Variants in AFF1 observed in about 807,000 individuals in gnomAD.
AFF1 encodes the protein AF4/FMR2 family member 1.
Under a neutral mutation model 121.7 loss-of-function variants are expected in AFF1, and 48 were observed. That is an observed-to-expected ratio of 0.39 (90% confidence interval 0.31 to 0.50). The LOEUF (loss-of-function observed/expected upper bound fraction) is 0.50, where lower values mean the gene tolerates loss of function less well. Among genes scored for constraint, AFF1 ranks in the 20% least tolerant of loss-of-function variants. The pLI, the probability that AFF1 is intolerant of heterozygous loss-of-function variation, is 0.76. For missense variants in AFF1, 1,523 were observed against 1,511.7 expected (o/e 1.01, Z -0.12); for synonymous variants, 613 against 563.0 (o/e 1.09, Z -1.26).
In AFF1 at chr4:87,137,393, G is replaced by A. The variant is rs1293157978; in HGVS notation, c.*1692G>A. On this transcript the variant is annotated 3_prime_UTR_variant, in exon 21 of 21. Coordinates refer to ENST00000395146, the MANE Select transcript of AFF1 (RefSeq NM_001166693.3). ...GTAGTTTGTAAATACACAAAGGGATGTGTCGAGGGATGGGAGCGATGCTTA... is the reference window on the plus strand; with the variant it reads ...GTAGTTTGTAAATACACAAAGGGATATGTCGAGGGATGGGAGCGATGCTTA... The A allele has an allele frequency of 4.3e-6, 1 of 229,966 alleles. No individual in the cohort carries two copies. Among genetic ancestry groups the A allele is most frequent in the Non-Finnish European group, 8.6e-6 (1 of 115,796 alleles). The allele number at this position is 229,966 out of a possible 1,614,324, so 14.2% of individuals were successfully genotyped here.
At chr4:86,944,579 C>G (rs918203676) in intron 1 of AFF1, among the ~76,000 whole-genome samples, 3 of 152,118 alleles carry the variant, frequency 2.0e-5, no homozygotes, top group Non-Finnish European at 4.4e-5. Context: ...TTCCTGACCT[C>G]GTGATTTGCC....
At position 87,138,762 on chromosome 4, in the gene AFF1, ACTGT is replaced by A. The variant is rs1386170340; in HGVS notation, c.*3065_*3068del. On this transcript the variant is annotated 3_prime_UTR_variant, in exon 21 of 21. Coordinates refer to ENST00000395146, the MANE Select transcript of AFF1 (RefSeq NM_001166693.3). ...AGAATCACAATAGGAGGAGAATTTG[ACTGT>A]CTGATATTATGATTTGATTACAATA... 1.3e-5 allele frequency: 3 copies of A among 230,568 alleles called. No individual in the cohort carries two copies. Among genetic ancestry groups the A allele is most frequent in the Middle Eastern group, 1.2e-3 (1 of 804 alleles). The allele number at this position is 230,568 out of a possible 1,614,324, so 14.3% of individuals were successfully genotyped here.
At chr4:87,127,157 TG>T (rs750729596) in intron 15 of AFF1, 40 bp downstream of exon 15, 2 of 1,515,272 alleles carry the variant, frequency 1.3e-6, no homozygotes, top group African/African-American at 1.4e-5. Context: ...TGTTTTGTTT[TG>T]TTTTGCTTCC....
At chr4:87,042,154 A>G (rs898528266) in intron 2 of AFF1, among the ~76,000 whole-genome samples, 2 of 152,222 alleles carry the variant, frequency 1.3e-5, no homozygotes, top group African/African-American at 2.4e-5. Context: ...GTATAGGCTC[A>G]ACAAAGGTTT....
At chr4:87,098,514 A>C (rs1052372664) in intron 8 of AFF1, among the ~76,000 whole-genome samples, 3 of 152,172 alleles carry the variant, frequency 2.0e-5, no homozygotes, top group Non-Finnish European at 1.5e-5. Flanking sequence ...TTTTCTGTGC[A>C]GCCAGATTTA....
chr4:87,045,219 CT>C (rs1248809932), intron 2 of AFF1, among the ~76,000 whole-genome samples: 1 of 152,152 alleles, frequency 6.6e-6, no homozygotes, highest in East Asian at 1.9e-4. Flanking sequence ...AAATATTTTC[CT>C]GTTTGTTCAA....
Position 86,956,898 on chromosome 4 carries a change from G to A in AFF1, c.38+8327G>A, listed in dbSNP as rs75829318. 8.7e-3 allele frequency among the ~76,000 whole-genome samples: 1,330 copies of A among 152,250 alleles called. 77 individuals carry two copies. In the East Asian group the frequency reaches 0.14, roughly 16 times the overall value. On this transcript the variant is annotated intron_variant, in intron 2 of 20. Transcript: ENST00000395146. ...ATGTTTTTATTTCTTTTGGGCAGAT[G>A]TTTAGGAGAGGAATTGCTTGCCTCT...
rs1338764830 is a variant in AFF1, at chr4:87,046,246, C to T, written c.119C>T (p.Ala40Val). 6.2e-7 allele frequency: 1 copy of T among 1,613,798 alleles called. No individual in the cohort carries two copies. Among genetic ancestry groups the T allele is most frequent in the Non-Finnish European group, 8.5e-7 (1 of 1,179,916 alleles). The change falls in exon 3 of 21, where the codon GCA becomes GTA. Residue 40 changes from alanine (A) to valine (V), a missense_variant. Physicochemically the swap from Ala to Val is moderately conservative, Grantham distance 64. Around this residue, in one of 5 missense-constraint regions of AFF1, gnomAD observed 369 missense variants for 367.2 expected, o/e 1.00. Transcript: ENST00000395146. ...CAGGAAGCCCACCAAGAGAAAGAGG[C>T]ATTTCCTGAAAAGATTCCCCTTTTT... ...RNQEAHQEKE[A>V]FPEKIPLFGE...
At chr4:86,992,304 G>C (rs1724794489) in intron 2 of AFF1, among the ~76,000 whole-genome samples, 1 of 152,066 alleles carries the variant, frequency 6.6e-6, no homozygotes, top group South Asian at 2.1e-4. Context: ...TGGCTTAAAG[G>C]CTTGGAATTA....
chr4:86,949,534 ATTATTTTTTTT>A (rs1453848568), intron 2 of AFF1: 11 of 347,418 alleles, frequency 3.2e-5, no homozygotes, highest in African/African-American at 2.2e-4. Flanking sequence ...TATTATTATT[ATTATTTTTTTT>A]TTTTTTTTTT....
At chr4:87,098,204 G>T (rs1725068424) in intron 8 of AFF1, among the ~76,000 whole-genome samples, 1 of 152,122 alleles carries the variant, frequency 6.6e-6, no homozygotes, top group African/African-American at 2.4e-5. Context: ...ATGGTTAGGG[G>T]GTAGCAACGT....
chr4:87,067,260 T>G (rs950387394), intron 4 of AFF1, among the ~76,000 whole-genome samples: 6 of 152,220 alleles, frequency 3.9e-5, no homozygotes, highest in African/African-American at 1.4e-4. Context: ...GTACAGGCAC[T>G]GTGTTTAAGC....
At chr4:87,090,093 G>C (rs1475582379) in intron 6 of AFF1, 23 bp downstream of exon 6, 1 of 1,576,990 alleles carries the variant, frequency 6.3e-7, no homozygotes, top group Non-Finnish European at 8.7e-7. Flanking sequence ...AAGTATGGCA[G>C]GCATTGCATC....
chr4:87,023,348 T>C (rs911436469), intron 2 of AFF1, among the ~76,000 whole-genome samples: 2 of 152,236 alleles, frequency 1.3e-5, no homozygotes, highest in African/African-American at 2.4e-5. Context: ...CTTTTAACTT[T>C]GTAAATTTTA....
At chr4:86,997,132 G>A (rs1430070808) in intron 2 of AFF1, among the ~76,000 whole-genome samples, 1 of 152,062 alleles carries the variant, frequency 6.6e-6, no homozygotes. Flanking sequence ...GGCTTGTCTC[G>A]AACTCCTGAG....
At chr4:87,114,249 T>C (rs573719404) in intron 11 of AFF1, 118 bp from the exon 12 acceptor site, 1 of 837,734 alleles carries the variant, frequency 1.2e-6, no homozygotes, top group African/African-American at 1.8e-5. Flanking sequence ...ACCTAAATTC[T>C]GGGTTTGGAA....
intron 8 of AFF1, among the ~76,000 whole-genome samples, chr4:87,095,238 C>A (rs1420159370): frequency 6.6e-6 from 1 of 152,188 alleles, no homozygotes; most frequent in African/African-American, 2.4e-5. Flanking sequence ...CATGCGTCAG[C>A]CTCCTGAGTA....
chr4:87,082,603 A>G (rs1223188019), intron 4 of AFF1, among the ~76,000 whole-genome samples: 1 of 151,884 alleles, frequency 6.6e-6, no homozygotes, highest in Non-Finnish European at 1.5e-5. Context: ...TAATTTTTGT[A>G]TTTTTGGTAG....
chr4:87,048,475 A>T (rs936612976), intron 4 of AFF1, among the ~76,000 whole-genome samples: 3 of 152,240 alleles, frequency 2.0e-5, no homozygotes, highest in Non-Finnish European at 4.4e-5. Flanking sequence ...GAAATGTTTG[A>T]AGGGAATTTT....
Sources: allele counts gnomAD v4.1 joint callset (sites outside exome capture counted in the v4.1 genomes callset), GRCh38; gene constraint gnomAD v4.1.1; regional missense constraint gnomAD v4.1.1; transcripts MANE v1.5; gene names NCBI Gene and HGNC (gene_info 2026-07-23, HGNC 2026-07-21).